Variants in CAST observed in about 807,000 individuals in gnomAD.
CAST encodes calpastatin.
CAST carries 76 observed loss-of-function variants against 119.6 expected under a neutral mutation model. The observed-to-expected ratio is 0.64, with a 90% CI of 0.53 to 0.77. The LOEUF (loss-of-function observed/expected upper bound fraction) is 0.77, where lower values mean the gene tolerates loss of function less well. CAST is among the 30% of genes least tolerant of loss of function. The pLI, the probability that CAST is intolerant of heterozygous loss-of-function variation, is 0.00. For missense variants in CAST, 953 were observed against 946.5 expected (o/e 1.01, Z -0.09); for synonymous variants, 319 against 331.6 (o/e 0.96, Z 0.41).
chr5:96,509,196 G>A, the CAST span, among the ~76,000 whole-genome samples: 7 of 152,220 alleles, frequency 4.6e-5, no homozygotes, highest in South Asian at 2.1e-4. Flanking sequence ...CAGCAATTAC[G>A]ATCAGCAAAG....
chr5:96,458,051 T>G, the CAST span, among the ~76,000 whole-genome samples: 1 of 152,202 alleles, frequency 6.6e-6, no homozygotes, highest in Non-Finnish European at 1.5e-5. Context: ...CAGTCTGTTT[T>G]CATATAGAGC....
At chr5:96,155,780 T>C in the CAST span, among the ~76,000 whole-genome samples, 9 of 152,334 alleles carry the variant, frequency 5.9e-5, no homozygotes, top group East Asian at 1.2e-3. Context: ...AGGATTTTTA[T>C]TGTTATTCAA....
chr5:96,492,214 C>T, the CAST span, among the ~76,000 whole-genome samples: 1 of 152,212 alleles, frequency 6.6e-6, no homozygotes, highest in African/African-American at 2.4e-5. Flanking sequence ...CACTTACCCT[C>T]GTTTGAGGGA....
At chr5:96,475,124 C>T in the CAST span, among the ~76,000 whole-genome samples, 10 of 152,176 alleles carry the variant, frequency 6.6e-5, no homozygotes, top group Non-Finnish European at 1.3e-4. Flanking sequence ...TCTCCTCATC[C>T]GTCCCTGCCC....
At chr5:96,190,213 CTT>C in the CAST span, among the ~76,000 whole-genome samples, 10 of 152,110 alleles carry the variant, frequency 6.6e-5, no homozygotes, top group Non-Finnish European at 1.5e-4. Flanking sequence ...GTAGCCTGTA[CTT>C]TTTTCAGGCA....
chr5:96,056,507 T>C, the CAST span, among the ~76,000 whole-genome samples: 1 of 152,114 alleles, frequency 6.6e-6, no homozygotes, highest in Non-Finnish European at 1.5e-5. Flanking sequence ...GTTGTTTTAT[T>C]GGGGAGTTCT....
chr5:96,498,320 G>T, the CAST span, among the ~76,000 whole-genome samples: 1 of 152,102 alleles, frequency 6.6e-6, no homozygotes, highest in South Asian at 2.1e-4. Flanking sequence ...TGTTCTTTTG[G>T]CTTAGGATTG....
the CAST span, chr5:95,961,777 G>C: frequency 6.6e-7 from 1 of 1,509,634 alleles, no homozygotes; most frequent in Admixed American, 2.3e-5. Flanking sequence ...CCTCCACTGC[G>C]GCCGCGGCTG....
chr5:96,213,256 A>G, the CAST span: 1 of 152,140 alleles, frequency 6.6e-6, no homozygotes, highest in Non-Finnish European at 1.5e-5. Flanking sequence ...CTTTTACATA[A>G]TATGTCTTTT....
the CAST span, among the ~76,000 whole-genome samples, chr5:96,247,577 G>A: frequency 6.6e-6 from 1 of 152,218 alleles, no homozygotes; most frequent in Non-Finnish European, 1.5e-5. Flanking sequence ...GGGAGCAAGT[G>A]CAAGTCAGAA....
chr5:96,087,143 C>T, the CAST span, among the ~76,000 whole-genome samples: 1 of 152,186 alleles, frequency 6.6e-6, no homozygotes, highest in African/African-American at 2.4e-5. Context: ...TCATATAACT[C>T]TGATATTAGA....
chr5:96,238,338 TTCTTCTTCA>T, the CAST span, among the ~76,000 whole-genome samples: 4 of 45,234 alleles, frequency 8.8e-5, no homozygotes, highest in African/African-American at 2.3e-4. Flanking sequence ...CTTCTTCTTC[TTCTTCTTCA>T]TCTTCATCTT....
the CAST span, among the ~76,000 whole-genome samples, chr5:96,501,377 A>G: frequency 6.6e-6 from 1 of 152,216 alleles, no homozygotes; most frequent in Admixed American, 6.5e-5. Context: ...AACAGGCATA[A>G]TCATCTCATA....
At chr5:96,247,243 T>C in the CAST span, among the ~76,000 whole-genome samples, 44 of 152,354 alleles carry the variant, frequency 2.9e-4, no homozygotes, top group African/African-American at 9.1e-4. Flanking sequence ...CCAAACCACA[T>C]AGAATGAGGT....
chr5:96,175,508 T>G, the CAST span, among the ~76,000 whole-genome samples: 2 of 152,170 alleles, frequency 1.3e-5, no homozygotes, highest in Non-Finnish European at 2.9e-5. Context: ...AATAAACTAG[T>G]AAACACATAA....
chr5:96,078,812 A>G, the CAST span, among the ~76,000 whole-genome samples: 9 of 152,292 alleles, frequency 5.9e-5, no homozygotes, highest in East Asian at 1.7e-3. Context: ...GGAAACCATT[A>G]TCCTTAACAA....
chr5:96,516,919 C>T, the CAST span, among the ~76,000 whole-genome samples: 1 of 152,174 alleles, frequency 6.6e-6, no homozygotes, highest in South Asian at 2.1e-4. Context: ...TCTTTAACCC[C>T]TCAATGACAT....
chr5:96,241,194 C>T, the CAST span, among the ~76,000 whole-genome samples: 10 of 145,880 alleles, frequency 6.9e-5, no homozygotes, highest in East Asian at 1.9e-3. Flanking sequence ...GTATATCTCC[C>T]AATGCTATCC....
chr5:96,398,235 C>T, the CAST span, among the ~76,000 whole-genome samples: 1 of 152,182 alleles, frequency 6.6e-6, no homozygotes, highest in African/African-American at 2.4e-5. Flanking sequence ...GATAGCTCAT[C>T]TTTCCTCACA....
Sources: gnomAD v4.1 joint callset for allele counts (sites outside exome capture counted in the v4.1 genomes callset) on GRCh38, gnomAD v4.1.1 for gene constraint, MANE v1.5 for transcripts, NCBI Gene and HGNC (gene_info 2026-07-23, HGNC 2026-07-21) for gene names.